Variants in GRIN2A observed in about 807,000 individuals in gnomAD.
GRIN2A encodes glutamate receptor ionotropic, NMDA 2A.
A neutral mutation model predicts 113.4 loss-of-function variants in GRIN2A; 22 were observed. The observed-to-expected ratio is 0.19, with a 90% CI of 0.14 to 0.28. The LOEUF is 0.28. Among genes scored for constraint, GRIN2A ranks in the 10% least tolerant of loss-of-function variants. GRIN2A has a pLI of 1.00. For synonymous variants in GRIN2A, 827 were observed against 738.4 expected (o/e 1.12, Z -1.94); for missense variants, 1,502 against 1,887.0 (o/e 0.80, Z 3.78).
At chr16:9,958,862 A>C (rs74906135) in intron 2 of GRIN2A, among the ~76,000 whole-genome samples, 2,131 of 152,292 alleles carry the variant, frequency 0.014, 62 homozygotes, top group African/African-American at 0.049. Context: ...GGGCTTGTTC[A>C]CTGATACATC....
At chr16:9,888,507 C>T (rs1035458220) in intron 4 of GRIN2A, among the ~76,000 whole-genome samples, 9 of 151,534 alleles carry the variant, frequency 5.9e-5, no homozygotes, top group Admixed American at 4.6e-4. Context: ...GCCTGTTTAT[C>T]CAATACCATT....
At chr16:10,093,761 C>G (rs1322355188) in intron 2 of GRIN2A, among the ~76,000 whole-genome samples, 1 of 152,200 alleles carries the variant, frequency 6.6e-6, no homozygotes, top group Non-Finnish European at 1.5e-5. Context: ...TTCCTCACCT[C>G]TTGACTTTGA....
intron 2 of GRIN2A, among the ~76,000 whole-genome samples, chr16:10,176,003 C>CTTTTT (rs34994079): frequency 5.6e-5 from 7 of 125,850 alleles, no homozygotes; most frequent in Admixed American, 8.3e-5. Context: ...AATTTTCCTT[C>CTTTTT]TTTTTTTTTT....
chr16:9,909,810 T>C (rs1044598127), intron 3 of GRIN2A, among the ~76,000 whole-genome samples: 2 of 152,240 alleles, frequency 1.3e-5, no homozygotes, highest in Admixed American at 6.5e-5. Context: ...CTGTTTCATA[T>C]ATATCGTTGC....
chr16:9,894,225 G>A (rs2043758018), intron 3 of GRIN2A, among the ~76,000 whole-genome samples: 1 of 152,216 alleles, frequency 6.6e-6, no homozygotes, highest in South Asian at 2.1e-4. Context: ...GTTATGTGCA[G>A]TGGGATGAGT....
chr16:9,807,587 C>T (rs573487768), intron 10 of GRIN2A, among the ~76,000 whole-genome samples: 2 of 152,188 alleles, frequency 1.3e-5, no homozygotes, highest in Non-Finnish European at 2.9e-5. Flanking sequence ...TTAAATGTAA[C>T]GTTGGACCCA....
chr16:9,937,712 T>C, intron 3 of GRIN2A: 1 of 529,882 alleles, frequency 1.9e-6, no homozygotes, highest in African/African-American at 1.9e-5. Flanking sequence ...CAATCCCAGG[T>C]GTAGGTTTCC....
At chr16:9,864,074 A>G (rs2043119616) in intron 4 of GRIN2A, among the ~76,000 whole-genome samples, 2 of 152,224 alleles carry the variant, frequency 1.3e-5, no homozygotes, top group South Asian at 4.1e-4. Flanking sequence ...TAATACCTGC[A>G]TAAAGACAAT....
chr16:9,952,257 A>G (rs1425094550), intron 2 of GRIN2A, among the ~76,000 whole-genome samples: 1 of 152,028 alleles, frequency 6.6e-6, no homozygotes, highest in Non-Finnish European at 1.5e-5. Flanking sequence ...AAGGGGACCC[A>G]CCCAACCCAG....
intron 2 of GRIN2A, among the ~76,000 whole-genome samples, chr16:10,146,293 T>G (rs1481911106): frequency 1.3e-5 from 2 of 152,190 alleles, no homozygotes; most frequent in African/African-American, 2.4e-5. Flanking sequence ...AATTTTTATA[T>G]TTTTAGCAGA....
chr16:9,853,188 T>C (rs1447673849), intron 4 of GRIN2A, among the ~76,000 whole-genome samples: 1 of 152,132 alleles, frequency 6.6e-6, no homozygotes, highest in Non-Finnish European at 1.5e-5. Context: ...GCACTCCAGA[T>C]AGGTGGAGAC....
At chr16:9,990,531 ATC>A (rs2046082727) in intron 2 of GRIN2A, among the ~76,000 whole-genome samples, 1 of 143,890 alleles carries the variant, frequency 6.9e-6, no homozygotes. Context: ...CACCCCCTGA[ATC>A]TCTCTCTCTA....
chr16:9,821,215 C>T (rs1036309639), intron 10 of GRIN2A, among the ~76,000 whole-genome samples: 2 of 152,046 alleles, frequency 1.3e-5, no homozygotes, highest in Admixed American at 6.6e-5. Flanking sequence ...ACTGAAATGC[C>T]CCATATGAGC....
chr16:9,989,333 C>G (rs2046052892), intron 2 of GRIN2A, among the ~76,000 whole-genome samples: 1 of 152,136 alleles, frequency 6.6e-6, no homozygotes, highest in African/African-American at 2.4e-5. Flanking sequence ...AACTGGCTAT[C>G]CATATGCAAA....
Position 9,769,083 on chromosome 16 carries a change from A to G in GRIN2A, c.2363T>C (p.Met788Thr). 1 of 1,612,448 alleles carries G rather than the reference A, an allele frequency of 6.2e-7. No individual in the cohort carries two copies. Among genetic ancestry groups the G allele is most frequent in the Non-Finnish European group, 8.5e-7 (1 of 1,178,528 alleles). Residue 788 changes from methionine to threonine, a missense_variant, in exon 12 of 13, where the codon ATG (methionine) becomes ACG (threonine). Met to Thr is a moderately conservative substitution (Grantham distance 81, BLOSUM62 -1). This residue lies in a region of GRIN2A where 101 missense variants were observed against 240.4 expected (regional missense o/e 0.42). Coordinates refer to ENST00000330684, the MANE Select transcript of GRIN2A (RefSeq NM_001134407.3). ...ALLQFVGDGE[M>T]EELETLWLTG... ...GAGCCACAGGGTCTCCAGCTCCTCCATCTCACCTGGACAGATCACAACATT... is the reference window on the plus strand; with the variant it reads ...GAGCCACAGGGTCTCCAGCTCCTCCGTCTCACCTGGACAGATCACAACATT...
intron 11 of GRIN2A, among the ~76,000 whole-genome samples, chr16:9,791,533 A>G (rs1249682015): frequency 6.6e-6 from 1 of 152,140 alleles, no homozygotes; most frequent in African/African-American, 2.4e-5. Context: ...GAATGGACAC[A>G]TGTGTGGTCA....
At position 9,763,060 on chromosome 16, in the gene GRIN2A, C is replaced by T; in HGVS notation, c.*89G>A. 3 of 1,316,454 alleles carry T rather than the reference C, an allele frequency of 2.3e-6. No individual in the cohort carries two copies. The highest frequency in any genetic ancestry group is 3.2e-6 in the Non-Finnish European group (3 of 923,714). 81.5% of individuals were successfully genotyped at this position (1,316,454 alleles called of 1,614,324 possible). ...CCTCCCTACATCTTCTTCCTCTTAG[C>T]AGGGCACTATTGGACATCCAACATT... On this transcript the variant is annotated 3_prime_UTR_variant, in exon 13 of 13. Coordinates refer to ENST00000330684, the MANE Select transcript of GRIN2A (RefSeq NM_001134407.3).
At chr16:9,962,273 A>G (rs1168040720) in intron 2 of GRIN2A, among the ~76,000 whole-genome samples, 2 of 152,232 alleles carry the variant, frequency 1.3e-5, no homozygotes, top group Non-Finnish European at 2.9e-5. Context: ...GGATCTAATT[A>G]AACTAAAGAG....
At chr16:10,077,367 C>T (rs898064631) in intron 2 of GRIN2A, among the ~76,000 whole-genome samples, 1 of 152,216 alleles carries the variant, frequency 6.6e-6, no homozygotes, top group Non-Finnish European at 1.5e-5. Context: ...CCCCTGACTT[C>T]GTTGCTGAGG....
Sources: gnomAD v4.1 joint callset for allele counts (sites outside exome capture counted in the v4.1 genomes callset) on GRCh38, gnomAD v4.1.1 for gene constraint, gnomAD v4.1.1 regional missense constraint, MANE v1.5 for transcripts, NCBI Gene and HGNC (gene_info 2026-07-23, HGNC 2026-07-21) for gene names.